CCNC: variants seen among roughly 807,000 people sequenced by gnomAD.
CCNC encodes the protein cyclin-C.
CCNC carries 19 observed loss-of-function variants against 50.0 expected under a neutral mutation model. The ratio of observed to expected loss-of-function variants is 0.38; its 90% CI spans 0.27 to 0.56. The LOEUF is 0.56. CCNC is among the 20% of genes least tolerant of loss of function. The probability of loss-of-function intolerance (pLI) is 0.72; values close to 1 mark genes in which losing one functional copy is unlikely to be tolerated. For synonymous variants in CCNC, 93 were observed against 103.7 expected (o/e 0.90, Z 0.63); for missense variants, 200 against 327.1 (o/e 0.61, Z 3.00).
intron 4 of CCNC, among the ~76,000 whole-genome samples, chr6:99,558,781 T>C (rs1412349477): frequency 6.6e-6 from 1 of 152,154 alleles, no homozygotes; most frequent in East Asian, 1.9e-4. Context: ...TGAGCATCCC[T>C]AATCTAAAAA....
chr6:99,543,409 A>C lies in CCNC; in HGVS notation c.*146T>G. On this transcript the variant is annotated 3_prime_UTR_variant, in exon 12 of 12. Coordinates refer to ENST00000520429, the MANE Select transcript of CCNC (RefSeq NM_005190.4). ...TGTACTAGAATCATATTAAAGAAAA[A>C]CTTATTTTGCAAAAATAAAATCACT... The C allele has an allele frequency of 1.3e-6, 1 of 787,716 alleles. No individual in the cohort carries two copies. The allele number at this position is 787,716 out of a possible 1,614,324, so 48.8% of individuals were successfully genotyped here.
At chr6:99,566,548 C>G (rs1302106175) in intron 1 of CCNC, among the ~76,000 whole-genome samples, 1 of 152,024 alleles carries the variant, frequency 6.6e-6, no homozygotes, top group Non-Finnish European at 1.5e-5. Context: ...ATACTTAGTG[C>G]CCTTCTAGTT....
At chr6:99,564,453 G>T (rs1769031604) in intron 1 of CCNC, among the ~76,000 whole-genome samples, 1 of 151,214 alleles carries the variant, frequency 6.6e-6, no homozygotes. Context: ...AATTCCTATG[G>T]GTTACTGCCA....
chr6:99,562,906 G>A lies in CCNC; in HGVS notation c.75C>T (p.Arg25=). 6.2e-7 allele frequency: 1 copy of A among 1,606,404 alleles called. No homozygotes were observed. Among genetic ancestry groups the A allele is most frequent in the Non-Finnish European group, 8.5e-7 (1 of 1,177,926 alleles). The change falls in exon 2 of 12, where the codon CGC becomes CGT. Residue 25 remains arginine, a synonymous_variant. Transcript: ENST00000520429. ...CTGAGAGAAACTTTAAATCCTTTTG[G>A]CGCTCCTTCAACAGATCTTGTTTAT... ...ILDKQDLLKE[R]QKDLKFLSEE...
intron 7 of CCNC, 133 bp from the exon 8 acceptor site, chr6:99,550,442 T>C: frequency 1.5e-6 from 1 of 647,058 alleles, no homozygotes; most frequent in Non-Finnish European, 2.7e-6. Flanking sequence ...GCTTCCCTTT[T>C]ATTCTCTTAA....
At chr6:99,546,365 A>G (rs1802069548) in intron 10 of CCNC, 30 bp downstream of exon 10, 2 of 1,436,006 alleles carry the variant, frequency 1.4e-6, no homozygotes, top group African/African-American at 1.4e-5. Context: ...ATTTTTAAAC[A>G]TCCAAGTTTA....
At chr6:99,560,910 A>AC (rs1419292137) in intron 4 of CCNC, among the ~76,000 whole-genome samples, 3 of 152,200 alleles carry the variant, frequency 2.0e-5, no homozygotes, top group Admixed American at 1.3e-4. Context: ...AGCATAAGGG[A>AC]CATTCTCAGG....
chr6:99,546,549 A>G lies in CCNC; in HGVS notation c.599-75T>C, dbSNP rs1583568301. 1.3e-5 allele frequency: 12 copies of G among 952,002 alleles called. No homozygotes were observed. The East Asian group carries it at 2.9e-4, about 23-fold the overall frequency. The allele number at this position is 952,002 out of a possible 1,614,324, so 59.0% of individuals were successfully genotyped here. ...ATATATGATCTAACAAAGATTTTTCACTATTTCCTGTGTATTTTCCAACAC... is the reference window on the plus strand; with the variant it reads ...ATATATGATCTAACAAAGATTTTTCGCTATTTCCTGTGTATTTTCCAACAC... On this transcript the variant is annotated intron_variant, in intron 9 of 11. Transcript: ENST00000520429.
chr6:99,562,727 G>C (rs3736868), intron 2 of CCNC, 115 bp downstream of exon 2: 97,211 of 598,556 alleles, frequency 0.16, 8,776 homozygotes, highest in Middle Eastern at 0.23. Flanking sequence ...AAGAATACCT[G>C]TATAAGCAAA....
At chr6:99,552,859 T>C (rs548834663) in intron 5 of CCNC, among the ~76,000 whole-genome samples, 1 of 152,216 alleles carries the variant, frequency 6.6e-6, no homozygotes, top group South Asian at 2.1e-4. Context: ...CTGGACAACA[T>C]GGTGAAACCC....
intron 4 of CCNC, 23 bp downstream of exon 4, chr6:99,561,344 A>C (rs1326539661): frequency 3.3e-6 from 5 of 1,523,864 alleles, no homozygotes; most frequent in Non-Finnish European, 4.5e-6. Flanking sequence ...CACTTTGATG[A>C]AGAACAGAAA....
At chr6:99,560,025 A>G (rs193269346) in intron 4 of CCNC, among the ~76,000 whole-genome samples, 79 of 152,194 alleles carry the variant, frequency 5.2e-4, no homozygotes, top group African/African-American at 1.9e-3. Flanking sequence ...CGGCCTAGGA[A>G]TAATTCTTTA....
intron 11 of CCNC, among the ~76,000 whole-genome samples, chr6:99,544,645 C>T (rs997503905): frequency 1.3e-5 from 2 of 150,498 alleles, no homozygotes; most frequent in African/African-American, 4.9e-5. Context: ...CTTAGGGTCA[C>T]TTAAAAACCA....
intron 5 of CCNC, among the ~76,000 whole-genome samples, chr6:99,554,484 T>C (rs899314604): frequency 1.3e-5 from 2 of 152,158 alleles, no homozygotes; most frequent in African/African-American, 2.4e-5. Context: ...GGAAGACATG[T>C]CTCTTCTCCC....
At chr6:99,561,278 T>G in intron 4 of CCNC, 89 bp downstream of exon 4, 1 of 825,198 alleles carries the variant, frequency 1.2e-6, no homozygotes, top group Non-Finnish European at 2.1e-6. Flanking sequence ...TACCATTTAT[T>G]AATTTTACAT....
chr6:99,555,755 A>G (rs1257444881), intron 5 of CCNC, among the ~76,000 whole-genome samples: 1 of 152,106 alleles, frequency 6.6e-6, no homozygotes, highest in East Asian at 1.9e-4. Context: ...GCAACTCTTA[A>G]ATGTTATCAA....
rs972947615 is a variant in CCNC, at chr6:99,558,314, T to C, written c.346+183A>G. On this transcript the variant is annotated intron_variant, in intron 5 of 11. Transcript: ENST00000520429. ...ATTAAAAGTAATATCTTTATATCTT[T>C]TTAAAAAAAAACCTTTTAGCTTGAT... 7 of 823,432 alleles carry C rather than the reference T, an allele frequency of 8.5e-6. No individual in the cohort carries two copies. The Admixed American group carries it at 1.1e-4, about 13-fold the overall frequency. 51.0% of individuals were successfully genotyped at this position (823,432 alleles called of 1,614,324 possible). A position where few individuals can be genotyped will look rare whatever the true frequency, so the allele number is the denominator to read the frequency against.
upstream of CCNC, chr6:99,568,743 A>C: frequency 6.6e-6 from 9 of 1,372,986 alleles, no homozygotes; most frequent in East Asian, 2.8e-5. Context: ...CTATCGACAA[A>C]AGTTCCGGCC....
At chr6:99,544,401 T>C (rs1397315322) in intron 11 of CCNC, 6 of 758,156 alleles carry the variant, frequency 7.9e-6, no homozygotes, top group Non-Finnish European at 1.2e-5. Flanking sequence ...TATCTTGTTA[T>C]ATAACAATCA....
Sources: gnomAD v4.1 joint callset for allele counts (sites outside exome capture counted in the v4.1 genomes callset) on GRCh38, gnomAD v4.1.1 for gene constraint, MANE v1.5 for transcripts, NCBI Gene and HGNC (gene_info 2026-07-23, HGNC 2026-07-21) for gene names.